SBK1: variants seen among roughly 807,000 people sequenced by gnomAD.
SBK1 encodes the protein serine/threonine-protein kinase SBK1.
In SBK1, 11 loss-of-function variants were observed where a neutral mutation model predicts 24.4. That is an observed-to-expected ratio of 0.45 (90% CI 0.28 to 0.75). The LOEUF (loss-of-function observed/expected upper bound fraction) is 0.75, where lower values mean the gene tolerates loss of function less well. Ranked by LOEUF, SBK1 falls within the 30% of genes least tolerant of loss-of-function variation. SBK1 has a pLI of 0.12. For synonymous variants in SBK1, 308 were observed against 284.4 expected (o/e 1.08, Z -0.83); for missense variants, 467 against 620.5 (o/e 0.75, Z 2.63).
chr16:28,265,962 T>TAAA (rs11393970), intron 1 of SBK1, among the ~76,000 whole-genome samples: 9 of 142,160 alleles, frequency 6.3e-5, no homozygotes, highest in Non-Finnish European at 1.2e-4. Context: ...CTGTCTCAAT[T>TAAA]AAAAAAAAAA....
chr16:28,292,455 G>A, upstream of SBK1: 1 of 846,366 alleles, frequency 1.2e-6, no homozygotes, highest in Non-Finnish European at 1.4e-6. Flanking sequence ...GGCGGGCGGC[G>A]GCGCGCGAGC....
intron 1 of SBK1, among the ~76,000 whole-genome samples, chr16:28,314,363 C>G (rs2044777220): frequency 1.5e-5 from 2 of 137,400 alleles, no homozygotes; most frequent in South Asian, 4.6e-4. Context: ...CAGGGTCTTG[C>G]TCAGGCCGGT....
At chr16:28,312,304 G>A (rs933974211) in intron 1 of SBK1, among the ~76,000 whole-genome samples, 10 of 152,338 alleles carry the variant, frequency 6.6e-5, no homozygotes, top group South Asian at 4.1e-4. Flanking sequence ...TGGTGTTGCC[G>A]CGGTCACCTC....
At chr16:28,268,416 A>G (rs2044443522) in intron 1 of SBK1, among the ~76,000 whole-genome samples, 1 of 149,850 alleles carries the variant, frequency 6.7e-6, no homozygotes, top group Non-Finnish European at 1.5e-5. Flanking sequence ...CTAATTTTTA[A>G]AAATGGGTTT....
At chr16:28,264,695 G>A (rs759429720) in intron 1 of SBK1, among the ~76,000 whole-genome samples, 4 of 152,154 alleles carry the variant, frequency 2.6e-5, no homozygotes, top group African/African-American at 7.2e-5. Flanking sequence ...GGAGCCTCTC[G>A]GCTGACGGTG....
chr16:28,275,840 G>A (rs998843146), intron 1 of SBK1, among the ~76,000 whole-genome samples: 1 of 151,886 alleles, frequency 6.6e-6, no homozygotes, highest in South Asian at 2.1e-4. Context: ...CTGCACCACT[G>A]CACTCCAGCA....
In SBK1 at chr16:28,292,858, A is replaced by G. The variant is rs1049732172; in HGVS notation, c.-450A>G. ...CGGGGAAAGCGGAGACTTCCTCGGT[A>G]TTTAGAAGACAGCAAGCCCCCTACG... On this transcript the variant is annotated 5_prime_UTR_variant, in exon 1 of 4. Coordinates refer to ENST00000341901, the MANE Select transcript of SBK1 (RefSeq NM_001024401.3). 9.1e-6 allele frequency: 9 copies of G among 984,154 alleles called. No individual in the cohort carries two copies. In the African/African-American group the frequency reaches 1.4e-4, roughly 15 times the overall value. The allele number at this position is 984,154 out of a possible 1,614,324, so 61.0% of individuals were successfully genotyped here. A position where few individuals can be genotyped will look rare whatever the true frequency, so the allele number is the denominator to read the frequency against.
Position 28,320,676 on chromosome 16 carries a change from C to T in SBK1, c.1030C>T (p.Arg344Cys). 6 of 1,075,218 alleles carry T rather than the reference C, an allele frequency of 5.6e-6. No homozygotes were observed. The highest frequency in any genetic ancestry group is 6.8e-6 in the Non-Finnish European group (6 of 887,796). The allele number at this position is 1,075,218 out of a possible 1,614,324, so 66.6% of individuals were successfully genotyped here. ...GDRPPAAGPL[R>C]LEAPGPLKRT... is the part of the protein sequence containing the mutation. ...CCGCCCGCCCGCCGCCGGGCCACTG[C>T]GCCTCGAGGCGCCTGGGCCGCTCAA... The change falls in exon 4 of 4, where the codon CGC becomes TGC. Residue 344 changes from arginine to cysteine, a missense_variant. Physicochemically the swap from Arg to Cys is radical, Grantham distance 180. This residue lies in a region of SBK1 where 166 missense variants were observed against 146.8 expected (regional missense o/e 1.13). Coordinates refer to ENST00000341901, the MANE Select transcript of SBK1 (RefSeq NM_001024401.3). This position sits in a 1 kb window ranked among gnomAD's most constrained non-coding sequence, Gnocchi z 8.5.
At chr16:28,302,969 G>T (rs556613475) in intron 1 of SBK1, among the ~76,000 whole-genome samples, 2 of 149,784 alleles carry the variant, frequency 1.3e-5, no homozygotes, top group East Asian at 1.9e-4. Context: ...CATGGGGGGG[G>T]GTCAGGAGTG....
At chr16:28,294,382 T>G (rs953239784) in intron 1 of SBK1, among the ~76,000 whole-genome samples, 2 of 152,192 alleles carry the variant, frequency 1.3e-5, no homozygotes, top group African/African-American at 4.8e-5. Flanking sequence ...TGGACCCATT[T>G]GATAGGTGCA....
chr16:28,294,365 G>GTGATGC (rs2044624149), intron 1 of SBK1, among the ~76,000 whole-genome samples: 1 of 152,202 alleles, frequency 6.6e-6, no homozygotes, highest in Non-Finnish European at 1.5e-5. Context: ...CAGACAAGCA[G>GTGATGC]TGATGCTGGA....
At chr16:28,283,576 T>C (rs1173958618) in intron 1 of SBK1, among the ~76,000 whole-genome samples, 2 of 152,232 alleles carry the variant, frequency 1.3e-5, no homozygotes, top group East Asian at 1.9e-4. Flanking sequence ...GCTAAGGCCA[T>C]GGGGGTGTTA....
At chr16:28,290,820 C>G (rs973052527), upstream of SBK1, 5 of 152,182 alleles carry the variant, frequency 3.3e-5, no homozygotes, top group African/African-American at 1.2e-4. Flanking sequence ...GTAGAGGTTG[C>G]CAACCTATGG....
At chr16:28,271,409 T>C (rs1827372999) in intron 1 of SBK1, among the ~76,000 whole-genome samples, 2 of 151,792 alleles carry the variant, frequency 1.3e-5, no homozygotes, top group Non-Finnish European at 2.9e-5. Flanking sequence ...ATACAAAAAT[T>C]AGCTGGGCAT....
chr16:28,270,244 T>G (rs955020896), intron 1 of SBK1, among the ~76,000 whole-genome samples: 1 of 151,686 alleles, frequency 6.6e-6, no homozygotes, highest in Non-Finnish European at 1.5e-5. Context: ...GTATTTTTAG[T>G]AGAGATGAGG....
intron 1 of SBK1, among the ~76,000 whole-genome samples, chr16:28,273,671 C>T (rs1218584754): frequency 1.3e-5 from 2 of 152,038 alleles, no homozygotes; most frequent in Admixed American, 6.6e-5. Flanking sequence ...TGAGCTCAAG[C>T]AGTCCACCCA....
intron 1 of SBK1, among the ~76,000 whole-genome samples, chr16:28,270,553 G>GCCTCC (rs1389391282): frequency 1.3e-5 from 2 of 151,708 alleles, no homozygotes. Flanking sequence ...AGCCTCCTGG[G>GCCTCC]TACCTGGGAC....
chr16:28,277,796 A>C (rs566924206), intron 1 of SBK1, among the ~76,000 whole-genome samples: 18 of 152,326 alleles, frequency 1.2e-4, no homozygotes, highest in African/African-American at 4.3e-4. Context: ...CGAGAACCAG[A>C]TAGAACAGAG....
rs1308128620 is a variant in SBK1 at position 28,284,123 on chromosome 16, T to C, written c.257+24621T>C. On this transcript the variant is annotated intron_variant, in intron 1 of 3. Transcript: ENST00000671413. ...TGGTAACACGACGCTTGTCGCTGTC[T>C]TCCTGTCTCACCCACCGACCCACCA... 2.6e-5 allele frequency among the ~76,000 whole-genome samples: 4 copies of C among 152,210 alleles called. No homozygotes were observed. The East Asian group carries it at 5.8e-4, about 22-fold the overall frequency.
Sources: gnomAD v4.1 joint callset for allele counts (sites outside exome capture counted in the v4.1 genomes callset) on GRCh38, gnomAD v4.1.1 for gene constraint, gnomAD v4.1.1 regional missense constraint, Gnocchi (gnomAD v3.1) non-coding constraint, MANE v1.5 for transcripts, NCBI Gene and HGNC (gene_info 2026-07-23, HGNC 2026-07-21) for gene names.